The following DENND1B variants were observed in gnomAD, a reference collection of about 807,000 sequenced individuals.
DENND1B encodes the protein DENN domain-containing protein 1B.
Under a neutral mutation model 90.1 loss-of-function variants are expected in DENND1B, and 59 were observed. The observed-to-expected ratio is 0.65, with a 90% CI of 0.53 to 0.81. The LOEUF is 0.81. Ranked by LOEUF, DENND1B falls within the 40% of genes least tolerant of loss-of-function variation. DENND1B has a pLI of 0.00. For synonymous variants in DENND1B, 337 were observed against 324.6 expected (o/e 1.04, Z -0.41); for missense variants, 862 against 912.6 (o/e 0.94, Z 0.71).
chr1:197,728,852 A>G (rs1285504816), intron 2 of DENND1B, among the ~76,000 whole-genome samples: 1 of 152,200 alleles, frequency 6.6e-6, no homozygotes, highest in Non-Finnish European at 1.5e-5. Flanking sequence ...AAATTTTAAC[A>G]TAACTCCATA....
rs142369242 is a variant in DENND1B, at chr1:197,559,507, C to T, written c.1150-6395G>A. ...CAGCCTGGAGGAAACATTACCATGGCTCAGAAATTTATCTCACATTAGAAA... is the reference window on the plus strand; with the variant it reads ...CAGCCTGGAGGAAACATTACCATGGTTCAGAAATTTATCTCACATTAGAAA... On this transcript the variant is annotated intron_variant, in intron 15 of 22. Transcript: ENST00000620048. Among the ~76,000 whole-genome samples, 103 of 151,968 alleles carry T rather than the reference C, an allele frequency of 6.8e-4. No individual in the cohort carries two copies. The East Asian group carries it at 0.02, about 30-fold the overall frequency.
intron 15 of DENND1B, among the ~76,000 whole-genome samples, chr1:197,580,520 G>A (rs765911506): frequency 6.6e-6 from 1 of 152,082 alleles, no homozygotes; most frequent in Non-Finnish European, 1.5e-5. Context: ...CCTGAAGAGG[G>A]AATATATGTT....
chr1:197,655,602 G>A (rs1020812258), intron 6 of DENND1B, among the ~76,000 whole-genome samples: 4 of 151,480 alleles, frequency 2.6e-5, no homozygotes, highest in Admixed American at 1.3e-4. Context: ...CGCGATCTGC[G>A]CTCACTGCAA....
chr1:197,625,576 A>G (rs1678613727), intron 10 of DENND1B, among the ~76,000 whole-genome samples: 1 of 152,086 alleles, frequency 6.6e-6, no homozygotes, highest in Non-Finnish European at 1.5e-5. Flanking sequence ...AATTGTAAAG[A>G]CCATCGAGGC....
intron 15 of DENND1B, among the ~76,000 whole-genome samples, chr1:197,555,212 G>A (rs1463640552): frequency 6.6e-6 from 1 of 151,962 alleles, no homozygotes; most frequent in African/African-American, 2.4e-5. Flanking sequence ...TTAAATGTAA[G>A]ACCTCAAACT....
At chr1:197,671,225 T>C (rs1023400919) in intron 5 of DENND1B, among the ~76,000 whole-genome samples, 3 of 152,182 alleles carry the variant, frequency 2.0e-5, no homozygotes, top group Non-Finnish European at 4.4e-5. Flanking sequence ...TAATAATAGT[T>C]TGGAGTCCTA....
At chr1:197,632,319 T>C (rs914559250) in intron 10 of DENND1B, among the ~76,000 whole-genome samples, 2 of 152,148 alleles carry the variant, frequency 1.3e-5, no homozygotes, top group African/African-American at 4.8e-5. Context: ...CCCAGATAGA[T>C]TTTGTAGTCT....
At chr1:197,637,973 T>C (rs997556520) in intron 10 of DENND1B, among the ~76,000 whole-genome samples, 1 of 152,186 alleles carries the variant, frequency 6.6e-6, no homozygotes, top group Admixed American at 6.5e-5. Context: ...CTGACACAGG[T>C]GGCTCCATTA....
At chr1:197,643,221 C>A (rs1680430599) in intron 9 of DENND1B, among the ~76,000 whole-genome samples, 1 of 151,278 alleles carries the variant, frequency 6.6e-6, no homozygotes, top group Admixed American at 6.6e-5. Context: ...GTGGTGAGAT[C>A]TTGGCTCATT....
chr1:197,777,732 CCAGT>C (rs983148332), upstream of DENND1B, among the ~76,000 whole-genome samples: 1 of 152,134 alleles, frequency 6.6e-6, no homozygotes, highest in African/African-American at 2.4e-5. Flanking sequence ...CAGGACCATA[CCAGT>C]CAAAGAACAT....
At chr1:197,591,058 C>A (rs931845293) in intron 14 of DENND1B, among the ~76,000 whole-genome samples, 2 of 152,124 alleles carry the variant, frequency 1.3e-5, no homozygotes. Context: ...TCTATAGGAG[C>A]GAATCCTAAC....
At position 197,607,059 on chromosome 1, in the gene DENND1B, G is replaced by C. The variant is rs1200177212; in HGVS notation, c.921+14C>G. ...AAACATATATGTTCACCACTGAATA[G>C]CCTTCATACTTACCACATCACTTGG... On this transcript the variant is annotated intron_variant, in intron 13 of 22. Transcript: ENST00000620048. 1 of 1,575,712 alleles carries C rather than the reference G, an allele frequency of 6.3e-7. No homozygotes were observed. Among genetic ancestry groups the C allele is most frequent in the Admixed American group, 1.7e-5 (1 of 59,094 alleles).
chr1:197,772,843 A>G lies in DENND1B; in HGVS notation c.82+25T>C, dbSNP rs1341909864. 4 of 1,537,650 alleles carry G rather than the reference A, an allele frequency of 2.6e-6. No homozygotes were observed. In the South Asian group the frequency reaches 3.7e-5, roughly 14 times the overall value. Reference sequence around the variant, plus strand: ...TCCCAAAAAAAAGAGACCTTGTCAAATAACAGAACACAGAAGACACATACC... The same window carrying G: ...TCCCAAAAAAAAGAGACCTTGTCAAGTAACAGAACACAGAAGACACATACC... On this transcript the variant is annotated intron_variant, in intron 2 of 22. Coordinates refer to ENST00000620048, the MANE Select transcript of DENND1B (RefSeq NM_001195215.2).
chr1:197,766,437 A>G (rs1655709901), intron 2 of DENND1B, among the ~76,000 whole-genome samples: 1 of 152,216 alleles, frequency 6.6e-6, no homozygotes, highest in South Asian at 2.1e-4. Flanking sequence ...TATTATCTGT[A>G]TGATTCCTCA....
rs780844200 is a variant in DENND1B at position 197,645,700 on chromosome 1, A to G, written c.551T>C (p.Ile184Thr). 1 of 1,561,716 alleles carries G rather than the reference A, an allele frequency of 6.4e-7. No homozygotes were observed. Among genetic ancestry groups the G allele is most frequent in the Admixed American group, 1.8e-5 (1 of 56,072 alleles). The change falls in exon 9 of 23, where the codon ATA becomes ACA. Residue 184 changes from isoleucine (I) to threonine (T), a missense_variant. Transcript: ENST00000620048. ...IAPDVTGLPT[I>T]PESRNLTEYF... ...AAATAGGAAACTTACACTCTCGGGT[A>G]TTGTTGGGAGTCCAGTTACATCAGG...
chr1:197,764,499 G>C lies in DENND1B; in HGVS notation c.82+8369C>G, dbSNP rs1465469128. On this transcript the variant is annotated intron_variant, in intron 2 of 22. Coordinates refer to ENST00000620048, the MANE Select transcript of DENND1B (RefSeq NM_001195215.2). Reference sequence around the variant, plus strand: ...AAAACAAGTCTTTATGAAATTCACTGAATTAATACTCTGACTAAATATACT... The same window carrying C: ...AAAACAAGTCTTTATGAAATTCACTCAATTAATACTCTGACTAAATATACT... 2.0e-5 allele frequency among the ~76,000 whole-genome samples: 3 copies of C among 152,136 alleles called. No homozygotes were observed. The East Asian group carries it at 5.8e-4, about 29-fold the overall frequency.
intron 2 of DENND1B, among the ~76,000 whole-genome samples, chr1:197,760,455 G>A (rs1333306058): frequency 6.6e-6 from 1 of 151,954 alleles, no homozygotes; most frequent in East Asian, 1.9e-4. Context: ...TTCAAGACCA[G>A]TCTGGGCAAA....
intron 10 of DENND1B, among the ~76,000 whole-genome samples, chr1:197,635,484 G>GT (rs1292664613): frequency 6.6e-5 from 10 of 151,912 alleles, no homozygotes; most frequent in Admixed American, 1.3e-4. Context: ...TTACAGGCGT[G>GT]TGACACCACA....
intron 13 of DENND1B, among the ~76,000 whole-genome samples, chr1:197,604,310 T>C (rs1676475598): frequency 6.6e-6 from 1 of 151,228 alleles, no homozygotes; most frequent in Non-Finnish European, 1.5e-5. Flanking sequence ...AACAAAGGAA[T>C]CCTGAAAGCT....
Sources: allele counts gnomAD v4.1 joint callset (sites outside exome capture counted in the v4.1 genomes callset), GRCh38; gene constraint gnomAD v4.1.1; transcripts MANE v1.5; gene names NCBI Gene and HGNC (gene_info 2026-07-23, HGNC 2026-07-21).